The following CACNA2D1 variants were observed in gnomAD, a reference collection of about 807,000 sequenced individuals.
CACNA2D1 encodes the protein calcium voltage-gated channel auxiliary subunit alpha2delta 1.
A neutral mutation model predicts 171.5 loss-of-function variants in CACNA2D1; 53 were observed. The ratio of observed to expected loss-of-function variants is 0.31; its 90% confidence interval spans 0.25 to 0.39. The LOEUF is 0.39. Ranked by LOEUF, CACNA2D1 falls within the 10% of genes least tolerant of loss-of-function variation. The pLI is 1.00. For synonymous variants in CACNA2D1, 442 were observed against 443.1 expected (o/e 1.00, Z 0.03); for missense variants, 903 against 1,299.8 (o/e 0.69, Z 4.69).
chr7:82,067,932 T>TGCC (rs1807855683), intron 7 of CACNA2D1, among the ~76,000 whole-genome samples: 2 of 152,310 alleles, frequency 1.3e-5, no homozygotes, highest in South Asian at 4.1e-4. Context: ...AATGCATCCT[T>TGCC]CTACCTTGCC....
chr7:82,022,801 T>A (rs139226436), intron 12 of CACNA2D1, among the ~76,000 whole-genome samples: 1 of 152,038 alleles, frequency 6.6e-6, no homozygotes, highest in East Asian at 1.9e-4. Flanking sequence ...GAATAATGCA[T>A]TCTCAAAAAT....
At chr7:81,981,604 T>C (rs146196371) in intron 24 of CACNA2D1, among the ~76,000 whole-genome samples, 1 of 152,350 alleles carries the variant, frequency 6.6e-6, no homozygotes, top group Non-Finnish European at 1.5e-5. Context: ...AGCTTCTATG[T>C]AAATTGTTCC....
chr7:82,277,135 A>T (rs1016564740), intron 3 of CACNA2D1, among the ~76,000 whole-genome samples: 2 of 152,128 alleles, frequency 1.3e-5, no homozygotes, highest in Non-Finnish European at 2.9e-5. Context: ...GTTTTGTTGG[A>T]CAGACTTTTC....
In CACNA2D1 at chr7:82,170,004, C is replaced by T. The variant is rs547565677; in HGVS notation, c.354+546G>A. ...TATTAAGAAAAAAAAAACATGCAAC[C>T]GCTAATGTCAGCTGACATTTCTCAA... is the stretch of plus-strand genomic sequence containing the variant. On this transcript the variant is annotated intron_variant, in intron 4 of 38. Transcript: ENST00000356860. Among the ~76,000 whole-genome samples the T allele has an allele frequency of 4.0e-5, 6 of 151,664 alleles. No homozygotes were observed. The East Asian group carries it at 9.7e-4, about 25-fold the overall frequency.
intron 37 of CACNA2D1, 60 bp downstream of exon 37, chr7:81,959,660 A>AAGATTCAAAATGC: frequency 1.3e-6 from 2 of 1,513,800 alleles, no homozygotes; most frequent in Non-Finnish European, 1.8e-6. Context: ...ACAATGTGAC[A>AAGATTCAAAATGC]AGATTCAAAA....
chr7:82,370,232 G>T (rs1822232293), intron 1 of CACNA2D1, among the ~76,000 whole-genome samples: 1 of 151,864 alleles, frequency 6.6e-6, no homozygotes, highest in Admixed American at 6.5e-5. Context: ...CTTTGGGAAA[G>T]AAAAGAACAA....
At chr7:82,222,730 C>A (rs1456113005) in intron 3 of CACNA2D1, among the ~76,000 whole-genome samples, 1 of 151,856 alleles carries the variant, frequency 6.6e-6, no homozygotes, top group African/African-American at 2.4e-5. Context: ...GGAATCTTTT[C>A]TTTTCTTATT....
In CACNA2D1 at chr7:82,173,084, A is replaced by C. The variant is rs553505174; in HGVS notation, c.295-2475T>G. On this transcript the variant is annotated intron_variant, in intron 3 of 38. Coordinates refer to ENST00000356860, the MANE Select transcript of CACNA2D1 (RefSeq NM_000722.4). ...CCAGATCTTTCCTCCTTGGGAGTGCATGAGAAAGTGCAATTCAACTGATCT... is the reference window on the plus strand; with the variant it reads ...CCAGATCTTTCCTCCTTGGGAGTGCCTGAGAAAGTGCAATTCAACTGATCT... Among the ~76,000 whole-genome samples, 5 of 152,160 alleles carry C rather than the reference A, an allele frequency of 3.3e-5. No individual in the cohort carries two copies. In the East Asian group the frequency reaches 5.8e-4, roughly 18 times the overall value.
chr7:82,116,958 GCT>G lies in CACNA2D1; in HGVS notation c.526+84_526+85del, dbSNP rs917137857. The G allele has an allele frequency of 6.5e-6, 9 of 1,382,556 alleles. No homozygotes were observed. The African/African-American group carries it at 7.1e-5, about 11-fold the overall frequency. The allele number at this position is 1,382,556 out of a possible 1,614,324, so 85.6% of individuals were successfully genotyped here. ...TGACAAACAAAACAATGTCACATTT[GCT>G]CTTTTTTTTCCCCCTCAAACATGGG... On this transcript the variant is annotated intron_variant, in intron 6 of 38. Transcript: ENST00000356860.
At chr7:82,267,274 T>A (rs912347260) in intron 3 of CACNA2D1, among the ~76,000 whole-genome samples, 11 of 152,204 alleles carry the variant, frequency 7.2e-5, no homozygotes, top group African/African-American at 2.7e-4. Flanking sequence ...TTTGTGTGAG[T>A]GTGCGTGTAT....
chr7:82,277,278 T>G (rs1041016751), intron 3 of CACNA2D1, among the ~76,000 whole-genome samples: 1 of 151,728 alleles, frequency 6.6e-6, no homozygotes, highest in African/African-American at 2.4e-5. Flanking sequence ...TCTCGGCTCA[T>G]TGCAACCTCC....
rs1414200250 is a variant in CACNA2D1, at chr7:81,949,493, T to C, written c.*899A>G. 1.3e-5 allele frequency: 2 copies of C among 152,120 alleles called. No homozygotes were observed. Among genetic ancestry groups the C allele is most frequent in the Non-Finnish European group, 2.9e-5 (2 of 68,010 alleles). 9.4% of individuals were successfully genotyped at this position (152,120 alleles called of 1,614,324 possible). A position where few individuals can be genotyped will look rare whatever the true frequency, so the allele number is the denominator to read the frequency against. ...AAAAGTTAAAATAGCAGCAGCATCA[T>C]GCAAAATACCCTTGGTAAACCAAAG... On this transcript the variant is annotated 3_prime_UTR_variant, in exon 39 of 39. Transcript: ENST00000356860.
chr7:81,998,477 T>C (rs1028468602), intron 18 of CACNA2D1, among the ~76,000 whole-genome samples: 1 of 152,020 alleles, frequency 6.6e-6, no homozygotes, highest in Non-Finnish European at 1.5e-5. Flanking sequence ...AAGCATATCT[T>C]ATCAAGATGT....
chr7:82,209,761 A>T (rs1800373210), intron 3 of CACNA2D1, among the ~76,000 whole-genome samples: 2 of 152,100 alleles, frequency 1.3e-5, no homozygotes, highest in East Asian at 3.9e-4. Context: ...ATTTTTGCCA[A>T]ATTGTTCCCC....
intron 3 of CACNA2D1, among the ~76,000 whole-genome samples, chr7:82,224,101 CTA>C (rs1563223021): frequency 6.6e-6 from 1 of 152,100 alleles, no homozygotes; most frequent in Non-Finnish European, 1.5e-5. Context: ...ATTCCAGTCA[CTA>C]TGTTTTATTC....
intron 3 of CACNA2D1, among the ~76,000 whole-genome samples, chr7:82,314,857 T>C (rs906360427): frequency 6.6e-6 from 1 of 152,134 alleles, no homozygotes; most frequent in Non-Finnish European, 1.5e-5. Flanking sequence ...ATATGACTGC[T>C]GTTAACAGTG....
chr7:82,014,558 TA>T (rs1390883745), intron 12 of CACNA2D1, 79 bp from the exon 13 acceptor site: 2 of 803,288 alleles, frequency 2.5e-6, no homozygotes, highest in African/African-American at 1.7e-5. Context: ...CTAAAATTTC[TA>T]TTGAAAAGAG....
At chr7:81,981,243 G>A (rs1181279716) in intron 24 of CACNA2D1, among the ~76,000 whole-genome samples, 1 of 152,130 alleles carries the variant, frequency 6.6e-6, no homozygotes, top group Non-Finnish European at 1.5e-5. Flanking sequence ...ATCAGCAGAA[G>A]AAATGAAACT....
chr7:81,963,119 G>T (rs1275917436), intron 34 of CACNA2D1, among the ~76,000 whole-genome samples: 2 of 151,772 alleles, frequency 1.3e-5, no homozygotes, highest in Non-Finnish European at 2.9e-5. Context: ...GTATTTCAGG[G>T]TCATGATGAA....
Sources: allele counts gnomAD v4.1 joint callset (sites outside exome capture counted in the v4.1 genomes callset), GRCh38; gene constraint gnomAD v4.1.1; transcripts MANE v1.5; gene names NCBI Gene and HGNC (gene_info 2026-07-23, HGNC 2026-07-21).